The following MAGI2 variants were observed in gnomAD, a reference collection of about 807,000 sequenced individuals.
MAGI2 encodes membrane-associated guanylate kinase, WW and PDZ domain-containing protein 2.
In MAGI2, 35 loss-of-function variants were observed where a neutral mutation model predicts 133.3. The observed-to-expected ratio is 0.26, with a 90% confidence interval of 0.20 to 0.35. The LOEUF (loss-of-function observed/expected upper bound fraction) is 0.35, where lower values mean the gene tolerates loss of function less well. MAGI2 is among the 10% of genes least tolerant of loss of function. The pLI, the probability that MAGI2 is intolerant of heterozygous loss-of-function variation, is 1.00. For missense variants in MAGI2, 1,636 were observed against 1,863.4 expected (o/e 0.88, Z 2.25); for synonymous variants, 729 against 710.6 (o/e 1.03, Z -0.41).
chr7:78,924,827 C>T (rs1799562614), intron 2 of MAGI2, among the ~76,000 whole-genome samples: 1 of 150,914 alleles, frequency 6.6e-6, no homozygotes, highest in Admixed American at 6.6e-5. Flanking sequence ...GCTGAAATCC[C>T]TTCTACATTA....
At chr7:78,806,165 G>A (rs534218188) in intron 2 of MAGI2, among the ~76,000 whole-genome samples, 57 of 152,196 alleles carry the variant, frequency 3.7e-4, no homozygotes, top group African/African-American at 1.3e-3. Flanking sequence ...TAGAGGAAGA[G>A]CTTTGAGTCT....
chr7:78,883,095 T>A lies in MAGI2; in HGVS notation c.418+123995A>T, dbSNP rs114163713. Among the ~76,000 whole-genome samples the A allele has an allele frequency of 2.1e-3, 321 of 152,248 alleles. 1 individual carries two copies. The highest frequency in any genetic ancestry group is 7.3e-3 in the African/African-American group (305 of 41,540). ...TCTTTGCTGATGATACAACTCTATA[T>A]GTAGAAAATCCTAATGTATCGAAAG... is the stretch of plus-strand genomic sequence containing the variant. On this transcript the variant is annotated intron_variant, in intron 2 of 21. Transcript: ENST00000354212.
In MAGI2 at chr7:78,561,496, G is replaced by A. The variant is rs145560073; in HGVS notation, c.539-39851C>T. Among the ~76,000 whole-genome samples, 823 of 152,318 alleles carry A rather than the reference G, an allele frequency of 5.4e-3. 8 individuals carry two copies. The highest frequency in any genetic ancestry group is 0.019 in the African/African-American group (776 of 41,564). On this transcript the variant is annotated intron_variant, in intron 3 of 21. Coordinates refer to ENST00000354212, the MANE Select transcript of MAGI2 (RefSeq NM_012301.4). The stretch of plus-strand genomic sequence containing the variant: ...GAGAGATAGATGACAGTGAAAACAA[G>A]TATCATATTAAGTTGGTGCAAAAGT...
At chr7:78,561,298 G>A (rs1800379723) in intron 3 of MAGI2, among the ~76,000 whole-genome samples, 1 of 152,136 alleles carries the variant, frequency 6.6e-6, no homozygotes, top group Non-Finnish European at 1.5e-5. Flanking sequence ...CAGGTGAGTA[G>A]GTAGTTGAAA....
At chr7:78,989,206 A>T (rs938506431) in intron 2 of MAGI2, among the ~76,000 whole-genome samples, 6 of 152,058 alleles carry the variant, frequency 3.9e-5, no homozygotes, top group African/African-American at 1.4e-4. Flanking sequence ...TCTTTCCTGT[A>T]AATAAAAACT....
At chr7:78,703,254 C>T (rs554749142) in intron 2 of MAGI2, among the ~76,000 whole-genome samples, 429 of 152,064 alleles carry the variant, frequency 2.8e-3, no homozygotes, top group African/African-American at 9.8e-3. Flanking sequence ...TTCTTAATTT[C>T]ATCTGTAAGA....
chr7:78,441,496 T>C (rs1008506381), intron 6 of MAGI2, among the ~76,000 whole-genome samples: 5 of 152,144 alleles, frequency 3.3e-5, no homozygotes, highest in African/African-American at 1.2e-4. Flanking sequence ...TCACTTTGGA[T>C]TTATGCACAA....
chr7:78,068,164 A>G (rs151211214), intron 21 of MAGI2, among the ~76,000 whole-genome samples: 2 of 152,190 alleles, frequency 1.3e-5, no homozygotes, highest in Non-Finnish European at 2.9e-5. Context: ...TCCTCAGAGC[A>G]TCAGGCATTA....
chr7:78,532,210 T>A (rs1481897041), intron 3 of MAGI2, among the ~76,000 whole-genome samples: 3 of 152,118 alleles, frequency 2.0e-5, no homozygotes, highest in Admixed American at 1.3e-4. Flanking sequence ...TAATGAAAAA[T>A]TTTAAAGGAT....
intron 1 of MAGI2, among the ~76,000 whole-genome samples, chr7:79,446,442 T>C (rs1381590280): frequency 6.6e-6 from 1 of 152,206 alleles, no homozygotes; most frequent in Non-Finnish European, 1.5e-5. Context: ...AGCAAGTATT[T>C]AGGCTCAAAC....
intron 6 of MAGI2, among the ~76,000 whole-genome samples, chr7:78,430,119 C>T (rs117934759): frequency 0.055 from 8,332 of 151,870 alleles, 310 homozygotes; most frequent in Non-Finnish European, 0.08. Flanking sequence ...ATTCAGCATT[C>T]TGGGGTGAGG....
chr7:78,881,700 T>C (rs1054231182), intron 2 of MAGI2, among the ~76,000 whole-genome samples: 1 of 152,074 alleles, frequency 6.6e-6, no homozygotes, highest in East Asian at 2.0e-4. Flanking sequence ...CCCAAATGAC[T>C]TCTGAATAAA....
At chr7:78,211,204 C>G (rs547390372) in intron 10 of MAGI2, among the ~76,000 whole-genome samples, 3 of 152,084 alleles carry the variant, frequency 2.0e-5, no homozygotes. Context: ...TATCAAGAGG[C>G]TGGAGCAGAT....
At chr7:79,056,472 G>A (rs1263505382) in intron 1 of MAGI2, among the ~76,000 whole-genome samples, 1 of 151,998 alleles carries the variant, frequency 6.6e-6, no homozygotes, top group Non-Finnish European at 1.5e-5. Context: ...TGGTCATAAT[G>A]AAAAAAAGAC....
intron 2 of MAGI2, among the ~76,000 whole-genome samples, chr7:78,773,207 C>A (rs1390457118): frequency 6.6e-6 from 1 of 152,042 alleles, no homozygotes; most frequent in Non-Finnish European, 1.5e-5. Context: ...TTTCAGGCTC[C>A]AAGCTATTCT....
chr7:78,293,528 G>A (rs201755913), intron 9 of MAGI2, among the ~76,000 whole-genome samples: 8 of 152,158 alleles, frequency 5.3e-5, no homozygotes, highest in Non-Finnish European at 8.8e-5. Context: ...ACAGTGTGGC[G>A]ATTCCTCAAG....
At chr7:78,853,465 C>G (rs1358064506) in intron 2 of MAGI2, among the ~76,000 whole-genome samples, 1 of 148,880 alleles carries the variant, frequency 6.7e-6, no homozygotes, top group Non-Finnish European at 1.5e-5. Context: ...AAGCCATCCT[C>G]CCACATCAGC....
chr7:78,065,151 C>A, intron 21 of MAGI2, among the ~76,000 whole-genome samples: 1 of 152,076 alleles, frequency 6.6e-6, no homozygotes, highest in East Asian at 1.9e-4. Context: ...GTTTCTAGGG[C>A]TAGAAGGTCT....
intron 1 of MAGI2, among the ~76,000 whole-genome samples, chr7:79,071,361 C>G (rs1459171375): frequency 6.6e-6 from 1 of 152,032 alleles, no homozygotes; most frequent in Non-Finnish European, 1.5e-5. Context: ...CCAGCCATAG[C>G]TCTCCTGTAT....
Sources: allele counts gnomAD v4.1 joint callset (sites outside exome capture counted in the v4.1 genomes callset), GRCh38; gene constraint gnomAD v4.1.1; transcripts MANE v1.5; gene names NCBI Gene and HGNC (gene_info 2026-07-23, HGNC 2026-07-21).